Variants in UVRAG observed in about 807,000 individuals in gnomAD.
The protein encoded by UVRAG is UV radiation resistance-associated gene protein.
In UVRAG, 19 loss-of-function variants were observed where a neutral mutation model predicts 78.0. That is an observed-to-expected ratio of 0.24 (90% CI 0.17 to 0.36). The LOEUF (loss-of-function observed/expected upper bound fraction) is 0.36, where lower values mean the gene tolerates loss of function less well. Among genes scored for constraint, UVRAG ranks in the 10% least tolerant of loss-of-function variants. The pLI, the probability that UVRAG is intolerant of heterozygous loss-of-function variation, is 1.00. For missense variants in UVRAG, 740 were observed against 853.8 expected (o/e 0.87, Z 1.66); for synonymous variants, 323 against 324.6 (o/e 1.00, Z 0.05).
At chr11:76,133,762 A>C (rs944341401) in intron 14 of UVRAG, among the ~76,000 whole-genome samples, 2 of 152,070 alleles carry the variant, frequency 1.3e-5, no homozygotes, top group African/African-American at 4.8e-5. Context: ...CTAGTCCCTA[A>C]GCAGTAGGTA....
chr11:75,938,534 C>T (rs190684623), intron 6 of UVRAG, among the ~76,000 whole-genome samples: 46 of 152,190 alleles, frequency 3.0e-4, no homozygotes, highest in Admixed American at 2.2e-3. Flanking sequence ...CTTGCTTTTA[C>T]GCTTCCTCAG....
At position 75,815,266 on chromosome 11, in the gene UVRAG, G is replaced by A; in HGVS notation, c.-142G>A. 2.1e-6 allele frequency: 1 copy of A among 478,718 alleles called. No homozygotes were observed. Among genetic ancestry groups the A allele is most frequent in the Non-Finnish European group, 3.5e-6 (1 of 285,990 alleles). 29.7% of individuals were successfully genotyped at this position (478,718 alleles called of 1,614,324 possible). On this transcript the variant is annotated 5_prime_UTR_variant, in exon 1 of 15. Coordinates refer to ENST00000356136, the MANE Select transcript of UVRAG (RefSeq NM_003369.4). ...CAACGGCGGCAGCGGCGGCAGCGGC[G>A]GCGGCTACTGTCTGGGCTGAGCAGT...
In UVRAG at chr11:75,880,002, A is replaced by C; in HGVS notation, c.394A>C (p.Lys132Gln). The C allele has an allele frequency of 6.2e-7, 1 of 1,614,164 alleles. No homozygotes were observed. Among genetic ancestry groups the C allele is most frequent in the East Asian group, 2.2e-5 (1 of 44,880 alleles). ...ENIYQLLIEW[K>Q]VCLDGLKYLG... Reference sequence around the variant, plus strand: ...CATCTACCAGCTGTTGATTGAATGGAAAGTCTGTTTGGATGGGCTGAAATA... The same window carrying C: ...CATCTACCAGCTGTTGATTGAATGGCAAGTCTGTTTGGATGGGCTGAAATA... Residue 132 changes from lysine (K) to glutamine (Q), a missense_variant, in exon 4 of 15, where the codon AAA becomes CAA. Coordinates refer to ENST00000356136, the MANE Select transcript of UVRAG (RefSeq NM_003369.4).
At chr11:76,133,089 T>C (rs1952540782) in intron 14 of UVRAG, among the ~76,000 whole-genome samples, 1 of 152,238 alleles carries the variant, frequency 6.6e-6, no homozygotes, top group South Asian at 2.1e-4. Context: ...AATGAGACCA[T>C]GTATAAAGCT....
chr11:75,852,087 T>C, intron 2 of UVRAG, 87 bp downstream of exon 2: 1 of 914,824 alleles, frequency 1.1e-6, no homozygotes. Context: ...CCTCCTGCTT[T>C]TGTGGCTTCT....
chr11:75,817,901 A>G (rs1339283342), intron 1 of UVRAG, among the ~76,000 whole-genome samples: 8 of 150,206 alleles, frequency 5.3e-5, no homozygotes, highest in Admixed American at 5.3e-4. Context: ...AAAAAAAGAA[A>G]AAAAAAAAAA....
chr11:76,089,002 G>C (rs2134423641), intron 13 of UVRAG, among the ~76,000 whole-genome samples: 1 of 152,260 alleles, frequency 6.6e-6, no homozygotes, highest in South Asian at 2.1e-4. Context: ...CATGGACTCA[G>C]GAAAGGTTTG....
At chr11:76,017,041 T>C in intron 12 of UVRAG, 61 bp downstream of exon 12, 1 of 1,243,920 alleles carries the variant, frequency 8.0e-7, no homozygotes, top group Non-Finnish European at 1.1e-6. Flanking sequence ...ACATGGGGTA[T>C]AACAAAATAC....
chr11:75,901,075 T>A (rs1947484518), intron 5 of UVRAG, among the ~76,000 whole-genome samples: 1 of 152,210 alleles, frequency 6.6e-6, no homozygotes, highest in African/African-American at 2.4e-5. Flanking sequence ...CAGAGATACG[T>A]ACACAGTTTT....
intron 12 of UVRAG, among the ~76,000 whole-genome samples, chr11:76,027,767 T>A (rs187789752): frequency 2.0e-5 from 3 of 152,242 alleles, no homozygotes; most frequent in Non-Finnish European, 2.9e-5. Flanking sequence ...ATGGGCCTAA[T>A]AAAGGGCAAG....
intron 6 of UVRAG, among the ~76,000 whole-genome samples, chr11:75,938,756 C>T (rs1948427620): frequency 6.6e-6 from 1 of 152,274 alleles, no homozygotes; most frequent in Admixed American, 6.5e-5. Flanking sequence ...ATCATTTCCT[C>T]AGATGATTCA....
At chr11:75,837,731 C>G (rs571127102) in intron 1 of UVRAG, 1 of 152,212 alleles carries the variant, frequency 6.6e-6, no homozygotes, top group South Asian at 2.1e-4. Context: ...GCTGTAGATT[C>G]AAAGTATCAT....
At chr11:75,945,848 C>T (rs1028801855) in intron 6 of UVRAG, among the ~76,000 whole-genome samples, 3 of 151,960 alleles carry the variant, frequency 2.0e-5, no homozygotes, top group Non-Finnish European at 4.4e-5. Flanking sequence ...CCCTTTTTAT[C>T]TAGCTAATTC....
intron 1 of UVRAG, among the ~76,000 whole-genome samples, chr11:75,829,707 A>C (rs936844205): frequency 3.9e-5 from 6 of 152,260 alleles, no homozygotes; most frequent in Admixed American, 3.9e-4. Flanking sequence ...TCTTAGTAGC[A>C]AGTACTCAAC....
intron 7 of UVRAG, among the ~76,000 whole-genome samples, chr11:75,977,193 T>G (rs1344660097): frequency 6.6e-6 from 1 of 152,218 alleles, no homozygotes; most frequent in East Asian, 1.9e-4. Flanking sequence ...GTGAGTTTCT[T>G]AATCCTGAGT....
chr11:75,999,356 T>C (rs578258370), intron 8 of UVRAG, among the ~76,000 whole-genome samples: 2 of 152,136 alleles, frequency 1.3e-5, no homozygotes, highest in South Asian at 4.1e-4. Flanking sequence ...ATTGAAAGTA[T>C]ACTTTTTTCA....
intron 2 of UVRAG, among the ~76,000 whole-genome samples, chr11:75,854,099 G>T (rs139012940): frequency 9.3e-4 from 141 of 152,216 alleles, no homozygotes; most frequent in Non-Finnish European, 1.9e-3. Context: ...TGAAACAATT[G>T]TATTCATCTG....
At chr11:75,892,113 G>C (rs1023410924) in intron 5 of UVRAG, among the ~76,000 whole-genome samples, 2 of 152,148 alleles carry the variant, frequency 1.3e-5, no homozygotes, top group Non-Finnish European at 2.9e-5. Context: ...GTGAAACCAA[G>C]GTCTTCCTCT....
At chr11:76,054,515 C>T (rs556794784) in intron 12 of UVRAG, among the ~76,000 whole-genome samples, 4 of 152,312 alleles carry the variant, frequency 2.6e-5, no homozygotes, top group African/African-American at 9.6e-5. Flanking sequence ...TGATGTAAAC[C>T]GATTCCTTTG....
Sources: allele counts gnomAD v4.1 joint callset (sites outside exome capture counted in the v4.1 genomes callset), GRCh38; gene constraint gnomAD v4.1.1; transcripts MANE v1.5; gene names NCBI Gene and HGNC (gene_info 2026-07-23, HGNC 2026-07-21).